NRDE2: variants seen among roughly 807,000 people sequenced by gnomAD.
NRDE2 encodes nuclear exosome regulator NRDE2.
Under a neutral mutation model 124.2 loss-of-function variants are expected in NRDE2, and 76 were observed. The ratio of observed to expected loss-of-function variants is 0.61; its 90% CI spans 0.51 to 0.74. NRDE2 has a LOEUF of 0.74. NRDE2 is among the 30% of genes least tolerant of loss of function. NRDE2 has a pLI of 0.00. For missense variants in NRDE2, 1,314 were observed against 1,417.3 expected, an observed-to-expected ratio of 0.93 and a Z score of 1.17; for synonymous variants, 489 against 528.1, an observed-to-expected ratio of 0.93 and a Z score of 1.01.
intron 12 of NRDE2, among the ~76,000 whole-genome samples, chr14:90,283,799 C>T (rs373509110): frequency 6.6e-6 from 1 of 151,356 alleles, no homozygotes; most frequent in Non-Finnish European, 1.5e-5. Context: ...GCAGCCTCTG[C>T]CTCCTGGGTT....
At chr14:90,292,974 A>C (rs1341660519) in intron 8 of NRDE2, 102 bp from the exon 9 acceptor site, 29 of 1,014,688 alleles carry the variant, frequency 2.9e-5, no homozygotes, top group Non-Finnish European at 4.3e-5. Context: ...CGCAATGCCA[A>C]GATGTGTAAG....
chr14:90,290,550 A>T lies in NRDE2; in HGVS notation c.1900T>A (p.Phe634Ile), dbSNP rs760163844. The T allele has an allele frequency of 6.2e-7, 1 of 1,613,814 alleles. No homozygotes were observed. Among genetic ancestry groups the T allele is most frequent in the Non-Finnish European group, 8.5e-7 (1 of 1,179,872 alleles). ...TGCAGGAAGGCCTCCACCAGCTGGA[A>T]CTGAAGATCATGGCTGGAAAGTCTG... ...LIRLSSHDLQ[F>I]QLVEAFLQFL... The change falls in exon 10 of 14, where the codon TTC becomes ATC. Residue 634 changes from phenylalanine (F) to isoleucine (I), a missense_variant. Physicochemically the swap from Phe to Ile is conservative, Grantham distance 21. Coordinates refer to ENST00000354366, the MANE Select transcript of NRDE2 (RefSeq NM_017970.4).
At chr14:90,298,462 T>A in intron 7 of NRDE2, 82 bp from the exon 8 acceptor site, 1 of 1,359,866 alleles carries the variant, frequency 7.4e-7, no homozygotes, top group Non-Finnish European at 1.0e-6. Context: ...CTGGTGGATA[T>A]AAGAGAAGCT....
At position 90,304,044 on chromosome 14, in the gene NRDE2, T is replaced by A. The variant is rs748929196; in HGVS notation, c.896A>T (p.Gln299Leu). The A allele has an allele frequency of 3.1e-6, 5 of 1,614,138 alleles. No individual in the cohort carries two copies. Among genetic ancestry groups the A allele is most frequent in the Non-Finnish European group, 4.2e-6 (5 of 1,179,960 alleles). ...GAGAGCCGCACTCTCGCTGTCTGGC[T>A]GTGCGTCTGGCTGCTTTGATTCCTG... is the stretch of plus-strand genomic sequence containing the variant. ...PEQESKQPDA[Q>L]PDSESAALKA... is the part of the protein sequence containing the mutation. Residue 299 changes from glutamine to leucine, a missense_variant, in exon 5 of 14, where the codon CAG becomes CTG. By Grantham distance (113) the Gln-to-Leu change is moderately radical (BLOSUM62 -2). Coordinates refer to ENST00000354366, the MANE Select transcript of NRDE2 (RefSeq NM_017970.4).
At position 90,276,333 on chromosome 14, in the gene NRDE2, C is replaced by T. The variant is rs543832152; in HGVS notation, c.*2003G>A. On this transcript the variant is annotated 3_prime_UTR_variant, in exon 14 of 14. Transcript: ENST00000354366. The stretch of plus-strand genomic sequence containing the variant: ...TCCCAGGTTCACGCCATTCTCCTGC[C>T]TTAGCCTTCCGAGTAGCTGGGACTA... 1 of 150,790 alleles carries T rather than the reference C, an allele frequency of 6.6e-6. No individual in the cohort carries two copies. The highest frequency in any genetic ancestry group is 2.0e-4 in the East Asian group (1 of 5,056). 9.3% of individuals were successfully genotyped at this position (150,790 alleles called of 1,614,324 possible).
chr14:90,319,563 T>A (rs1595076809), intron 1 of NRDE2, among the ~76,000 whole-genome samples: 1 of 152,220 alleles, frequency 6.6e-6, no homozygotes, highest in South Asian at 2.1e-4. Context: ...GATTTGCCTA[T>A]TTTGGACATT....
chr14:90,287,446 C>T (rs1042772608), intron 11 of NRDE2, among the ~76,000 whole-genome samples: 2 of 151,728 alleles, frequency 1.3e-5, no homozygotes, highest in African/African-American at 2.4e-5. Flanking sequence ...GGCAAAACCC[C>T]GTCTCTACAA....
At position 90,286,511 on chromosome 14, in the gene NRDE2, C is replaced by T. The variant is rs373947973; in HGVS notation, c.3159-19G>A. The T allele has an allele frequency of 2.4e-5, 38 of 1,608,122 alleles. No homozygotes were observed. In the African/African-American group the frequency reaches 3.3e-4, roughly 14 times the overall value. ...GTCTAACCTGCAAGGCAAAGGCTCACGTGACTCTGACACAAGCTCTCTCAT... is the reference window on the plus strand; with the variant it reads ...GTCTAACCTGCAAGGCAAAGGCTCATGTGACTCTGACACAAGCTCTCTCAT... On this transcript the variant is annotated intron_variant, in intron 11 of 13. Transcript: ENST00000354366.
chr14:90,318,124 A>G lies in NRDE2; in HGVS notation c.65-11T>C, dbSNP rs375381928. Reference sequence around the variant, plus strand: ...TCAGCCAGTCTAACTCTGCACAGGCAAAAGGAGAAAAGATCAATGAAATTA... The same window carrying G: ...TCAGCCAGTCTAACTCTGCACAGGCGAAAGGAGAAAAGATCAATGAAATTA... On this transcript the variant is annotated splice_polypyrimidine_tract_variant and intron_variant, in intron 1 of 13. Coordinates refer to ENST00000354366, the MANE Select transcript of NRDE2 (RefSeq NM_017970.4). The G allele has an allele frequency of 2.4e-4, 384 of 1,585,488 alleles. No homozygotes were observed. The highest frequency in any genetic ancestry group is 3.2e-4 in the Non-Finnish European group (367 of 1,157,926).
At chr14:90,308,857 T>C (rs1440373561) in intron 4 of NRDE2, among the ~76,000 whole-genome samples, 1 of 152,072 alleles carries the variant, frequency 6.6e-6, no homozygotes, top group South Asian at 2.1e-4. Flanking sequence ...GGAACAAAAA[T>C]GTCAACCGCA....
chr14:90,308,243 T>A (rs1425303040), intron 4 of NRDE2, among the ~76,000 whole-genome samples: 1 of 152,224 alleles, frequency 6.6e-6, no homozygotes, highest in South Asian at 2.1e-4. Flanking sequence ...TCAGACAGTA[T>A]ATTAGTCTTA....
intron 1 of NRDE2, among the ~76,000 whole-genome samples, chr14:90,331,088 G>A (rs908308367): frequency 3.3e-5 from 5 of 151,822 alleles, no homozygotes; most frequent in African/African-American, 9.7e-5. Flanking sequence ...CACCACGCCT[G>A]GCTTTTTTTT....
At chr14:90,319,284 G>A (rs1019551611) in intron 1 of NRDE2, among the ~76,000 whole-genome samples, 1 of 152,156 alleles carries the variant, frequency 6.6e-6, no homozygotes, top group African/African-American at 2.4e-5. Context: ...ATGGTTGAAG[G>A]TACAAAAGAG....
At chr14:90,278,991 G>A in intron 13 of NRDE2, 71 bp downstream of exon 13, 3 of 1,088,142 alleles carry the variant, frequency 2.8e-6, no homozygotes, top group Non-Finnish European at 4.3e-6. Flanking sequence ...AGGCCGGGAA[G>A]ACACTAGCTG....
Position 90,301,771 on chromosome 14 carries a change from C to T in NRDE2, c.1412-399G>A, listed in dbSNP as rs76322091. 3.0e-3 allele frequency: 1,386 copies of T among 456,332 alleles called. 25 individuals carry two copies. The highest frequency in any genetic ancestry group is 0.026 in the African/African-American group (1,299 of 50,188). 28.3% of individuals were successfully genotyped at this position (456,332 alleles called of 1,614,324 possible). A position where few individuals can be genotyped will look rare whatever the true frequency, so the allele number is the denominator to read the frequency against. On this transcript the variant is annotated intron_variant, in intron 6 of 13. Transcript: ENST00000354366. The stretch of plus-strand genomic sequence containing the variant: ...CAGTTGATCACTAGATGGCATTACT[C>T]ACCAGCAACTTTCATCCTATGTTCA...
chr14:90,302,370 G>A (rs866665397), intron 6 of NRDE2, among the ~76,000 whole-genome samples: 8 of 152,260 alleles, frequency 5.3e-5, no homozygotes, highest in African/African-American at 1.7e-4. Context: ...GGCATCTCAC[G>A]GACATTACTG....
Position 90,292,728 on chromosome 14 carries a change from G to C in NRDE2, c.1811C>G (p.Thr604Ser). Residue 604 changes from threonine (T) to serine (S), a missense_variant, in exon 9 of 14, where the codon ACC (threonine) becomes AGC (serine). Coordinates refer to ENST00000354366, the MANE Select transcript of NRDE2 (RefSeq NM_017970.4). ...CTCGGGATCCTCACAGTCTTCCTCG[G>C]TTTGCTTCTTGGTCTTATCAGGGCG... is the stretch of plus-strand genomic sequence containing the variant. ...PWRPDKTKKQ[T>S]EEDCEDPERQ... is the part of the protein sequence containing the mutation. 6.2e-7 allele frequency: 1 copy of C among 1,614,164 alleles called. No individual in the cohort carries two copies. The highest frequency in any genetic ancestry group is 2.2e-5 in the East Asian group (1 of 44,890).
chr14:90,286,250 G>T, intron 12 of NRDE2, 104 bp downstream of exon 12: 3 of 1,316,978 alleles, frequency 2.3e-6, no homozygotes, highest in Non-Finnish European at 2.1e-6. Context: ...TGGCCTCCCA[G>T]CTCTCCTGGG....
chr14:90,288,233 C>T lies in NRDE2; in HGVS notation c.3142G>A (p.Val1048Met). Residue 1048 changes from valine to methionine, a missense_variant, in exon 11 of 14, where the codon GTG becomes ATG. Coordinates refer to ENST00000354366, the MANE Select transcript of NRDE2 (RefSeq NM_017970.4). ...IEAEKLRKRLVETVQRLDGRE... is the reference protein window; with the variant it reads ...IEAEKLRKRLMETVQRLDGRE... ...TGGAATTACCTCTGGACAGTTTCCACCAGTCTCTTCCTCAGTTTCTCAGCT... is the reference window on the plus strand; with the variant it reads ...TGGAATTACCTCTGGACAGTTTCCATCAGTCTCTTCCTCAGTTTCTCAGCT... The T allele has an allele frequency of 2.5e-6, 4 of 1,613,848 alleles. No homozygotes were observed. Among genetic ancestry groups the T allele is most frequent in the East Asian group, 2.2e-5 (1 of 44,880 alleles).
Sources: allele counts gnomAD v4.1 joint callset (sites outside exome capture counted in the v4.1 genomes callset), GRCh38; gene constraint gnomAD v4.1.1; transcripts MANE v1.5; gene names NCBI Gene and HGNC (gene_info 2026-07-23, HGNC 2026-07-21).